FSIP2: variants seen among roughly 807,000 people sequenced by gnomAD.
The protein encoded by FSIP2 is fibrous sheath-interacting protein 2.
In FSIP2, 367 loss-of-function variants were observed where a neutral mutation model predicts 510.5. The observed-to-expected ratio is 0.72, with a 90% CI of 0.66 to 0.78. The LOEUF (loss-of-function observed/expected upper bound fraction) is 0.78. Ranked by LOEUF, FSIP2 falls within the 30% of genes least tolerant of loss-of-function variation. The pLI is 0.00. For synonymous variants in FSIP2, 2,601 were observed against 2,732.2 expected, an observed-to-expected ratio of 0.95 and a Z score of 1.50; for missense variants, 7,594 against 7,901.7, an observed-to-expected ratio of 0.96 and a Z score of 1.48.
chr2:185,779,940 T>C (rs1360527753), intron 13 of FSIP2, among the ~76,000 whole-genome samples: 1 of 151,146 alleles, frequency 6.6e-6, no homozygotes, highest in Non-Finnish European at 1.5e-5. Flanking sequence ...TTTTTTTTTT[T>C]CTTAGCACTT....
At chr2:185,751,795 GTGT>G (rs1692154056) in intron 7 of FSIP2, among the ~76,000 whole-genome samples, 1 of 151,106 alleles carries the variant, frequency 6.6e-6, no homozygotes, top group Non-Finnish European at 1.5e-5. Context: ...AGCTCTTAAA[GTGT>G]TATTATACTG....
At chr2:185,765,626 G>A (rs1017917817) in intron 13 of FSIP2, 5 of 152,020 alleles carry the variant, frequency 3.3e-5, no homozygotes, top group Admixed American at 6.6e-5. Context: ...TGGTGATGCG[G>A]GCTCTTTTTT....
intron 19 of FSIP2, among the ~76,000 whole-genome samples, chr2:185,820,482 TATAC>T (rs1693894701): frequency 6.6e-6 from 1 of 151,482 alleles, no homozygotes; most frequent in Admixed American, 6.6e-5. Context: ...CTATAATTTA[TATAC>T]ATATATTGTT....
At chr2:185,830,164 T>C (rs182140852) in intron 21 of FSIP2, among the ~76,000 whole-genome samples, 32 of 151,884 alleles carry the variant, frequency 2.1e-4, no homozygotes, top group African/African-American at 7.5e-4. Context: ...CAATGTTCTC[T>C]ACAGGATTTT....
Position 185,750,603 on chromosome 2 carries a change from GT to G in FSIP2, c.871-3107del, listed in dbSNP as rs71014622. On this transcript the variant is annotated intron_variant, in intron 7 of 22. Coordinates refer to ENST00000424728, the MANE Select transcript of FSIP2 (RefSeq NM_173651.4). ...GTTTTTAGTTTTAATGCATTTCTCT[GT>G]TTTTTTTTTTTCTATTTTGTTGATT... 3.6e-3 allele frequency among the ~76,000 whole-genome samples: 488 copies of G among 136,450 alleles called. 2 individuals are homozygous for G. The highest frequency in any genetic ancestry group is 9.5e-3 in the Admixed American group (130 of 13,624). 89.5% of individuals were successfully genotyped at this position (136,450 alleles called of 152,430 possible). A position where few individuals can be genotyped will look rare whatever the true frequency, so the allele number is the denominator to read the frequency against.
At chr2:185,765,575 T>C (rs1003658380) in intron 13 of FSIP2, 13 of 152,026 alleles carry the variant, frequency 8.6e-5, no homozygotes, top group African/African-American at 3.1e-4. Context: ...AGTCAGGTAG[T>C]GTGATGCCTC....
chr2:185,815,953 T>A (rs938767967), intron 19 of FSIP2, among the ~76,000 whole-genome samples: 7 of 151,942 alleles, frequency 4.6e-5, no homozygotes, highest in Admixed American at 2.0e-4. Flanking sequence ...TAAGAATGGA[T>A]AGGATACACA....
At chr2:185,816,748 C>G (rs1374787454) in intron 19 of FSIP2, among the ~76,000 whole-genome samples, 2 of 151,720 alleles carry the variant, frequency 1.3e-5, no homozygotes, top group Non-Finnish European at 1.5e-5. Context: ...CCTAGCTACT[C>G]AGGAGGCTGA....
chr2:185,745,455 CATACCGGAAAACAATCAA>C lies in FSIP2; in HGVS notation c.507_524del (p.Glu171_Pro176del), dbSNP rs1692009164. On this transcript the variant is annotated inframe_deletion, in exon 5 of 23. Coordinates refer to ENST00000424728, the MANE Select transcript of FSIP2 (RefSeq NM_173651.4). The stretch of plus-strand genomic sequence containing the variant: ...GAATACTTGCAAAACAACTACATAA[CATACCGGAAAACAATCAA>C]ATCCCTCAACATTGTGATGTTGCAC... 6.5e-7 allele frequency: 1 copy of C among 1,533,414 alleles called. No homozygotes were observed. Among genetic ancestry groups the C allele is most frequent in the Admixed American group, 2.0e-5 (1 of 50,896 alleles). 95.0% of individuals were successfully genotyped at this position (1,533,414 alleles called of 1,614,324 possible). A position where few individuals can be genotyped will look rare whatever the true frequency, so the allele number is the denominator to read the frequency against.
chr2:185,741,994 G>A (rs1033967830), intron 2 of FSIP2, among the ~76,000 whole-genome samples: 8 of 152,268 alleles, frequency 5.3e-5, no homozygotes, highest in African/African-American at 1.7e-4. Context: ...CGGGATTGGT[G>A]CTTAGTGTTG....
chr2:185,828,199 G>C lies in FSIP2; in HGVS notation c.20517G>C (p.Lys6839Asn), dbSNP rs1694048406. The change falls in exon 21 of 23, where the codon AAG (lysine) becomes AAC (asparagine). Residue 6839 changes from lysine to asparagine, a missense_variant and splice_region_variant. Lys to Asn is a moderately conservative substitution (Grantham distance 94). Transcript: ENST00000424728. ...AGCCAGAGCATGGAAACAGTGTTAA[G>C]GTAAGTATTTTTAACTAGCCTTAGT... ...EQKPEHGNSVKFITIFERSKD... is the reference protein window; with the variant it reads ...EQKPEHGNSVNFITIFERSKD... 2 of 1,559,172 alleles carry C rather than the reference G, an allele frequency of 1.3e-6. No homozygotes were observed. Among genetic ancestry groups the C allele is most frequent in the South Asian group, 2.2e-5 (2 of 89,170 alleles).
Position 185,808,495 on chromosome 2 carries a change from A to G in FSIP2, c.19189A>G (p.Ser6397Gly), listed in dbSNP as rs762955201. The G allele has an allele frequency of 1.7e-5, 27 of 1,608,976 alleles. No homozygotes were observed. The highest frequency in any genetic ancestry group is 2.3e-5 in the Non-Finnish European group (27 of 1,178,248). ...KLVTAEISRS[S>G]ISLIASDPEE... ...GGTAACAGCTGAAATTTCCAGAAGT[A>G]GCATTAGTCTAATAGCTTCTGATCC... Residue 6397 changes from serine (S) to glycine (G), a missense_variant, in exon 17 of 23, where the codon AGC becomes GGC. By Grantham distance (56) the Ser-to-Gly change is moderately conservative. Coordinates refer to ENST00000424728, the MANE Select transcript of FSIP2 (RefSeq NM_173651.4).
chr2:185,820,079 C>T (rs1372272089), intron 19 of FSIP2, among the ~76,000 whole-genome samples: 1 of 151,906 alleles, frequency 6.6e-6, no homozygotes, highest in Non-Finnish European at 1.5e-5. Flanking sequence ...GCTATGTCCC[C>T]ACCCAAATCT....
Position 185,808,144 on chromosome 2 carries a change from G to A in FSIP2, c.18838G>A (p.Val6280Ile). Residue 6280 changes from valine (V) to isoleucine (I), a missense_variant, in exon 17 of 23, where the codon GTC becomes ATC. Physicochemically the swap from Val to Ile is conservative, Grantham distance 29. Transcript: ENST00000424728. Reference sequence around the variant, plus strand: ...TAAAGATTTAATGGGTAAAAGCAATGTCCTCTCTGATACAATAGGCTTTTT... The same window carrying A: ...TAAAGATTTAATGGGTAAAAGCAATATCCTCTCTGATACAATAGGCTTTTT... ...VFKDLMGKSN[V>I]LSDTIGFLMV... 1 of 1,609,944 alleles carries A rather than the reference G, an allele frequency of 6.2e-7. No individual in the cohort carries two copies.
chr2:185,815,523 A>T (rs1693810141), intron 19 of FSIP2, 52 bp downstream of exon 19: 1 of 854,334 alleles, frequency 1.2e-6, no homozygotes, highest in African/African-American at 1.8e-5. Context: ...AGTAGAGCTT[A>T]TGAGTAGAAT....
chr2:185,738,546 A>AG, upstream of FSIP2: 2 of 1,459,720 alleles, frequency 1.4e-6, no homozygotes, highest in Non-Finnish European at 9.2e-7. Flanking sequence ...CTTGGAAGCC[A>AG]GGGGAAATTA....
In FSIP2 at chr2:185,786,253, C is replaced by T; in HGVS notation, c.1471C>T (p.Gln491Ter). ...IFSSPVYTNM[Q>*]QNLLQNCLQE... The stretch of plus-strand genomic sequence containing the variant: ...TAAATGATCAACCTTTCTTTACAGG[C>T]AACAGAACTTGCTGCAAAATTGCTT... Residue 491 changes from glutamine (Q) to a stop codon, truncating the protein, a stop_gained and splice_region_variant, in exon 15 of 23, where the codon CAA (glutamine) becomes TAA (stop). Coordinates refer to ENST00000424728, the MANE Select transcript of FSIP2 (RefSeq NM_173651.4). LOFTEE classifies it high-confidence loss of function. 1.3e-6 allele frequency: 2 copies of T among 1,519,976 alleles called. No homozygotes were observed. Among genetic ancestry groups the T allele is most frequent in the Non-Finnish European group, 1.8e-6 (2 of 1,135,702 alleles). The allele number at this position is 1,519,976 out of a possible 1,614,324, so 94.2% of individuals were successfully genotyped here.
chr2:185,797,069 T>G lies in FSIP2; in HGVS notation c.9933T>G (p.Val3311=), dbSNP rs1341059176. The change falls in exon 16 of 23, where the codon GTT becomes GTG. Residue 3311 remains valine, a synonymous_variant. Transcript: ENST00000424728. ...RVFHYENLKP[V]VEPNQIQTTI... ...TTCATTATGAGAACCTAAAACCAGTTGTTGAACCAAACCAAATTCAGACAA... is the reference window on the plus strand; with the variant it reads ...TTCATTATGAGAACCTAAAACCAGTGGTTGAACCAAACCAAATTCAGACAA... 2.0e-6 allele frequency: 3 copies of G among 1,535,284 alleles called. No homozygotes were observed. Among genetic ancestry groups the G allele is most frequent in the Non-Finnish European group, 2.6e-6 (3 of 1,146,360 alleles).
Position 185,805,766 on chromosome 2 carries a change from T to A in FSIP2, c.16460T>A (p.Ile5487Asn). Residue 5487 changes from isoleucine to asparagine, a missense_variant, in exon 17 of 23, where the codon ATC becomes AAC. Coordinates refer to ENST00000424728, the MANE Select transcript of FSIP2 (RefSeq NM_173651.4). ...TKDTSVKKGD[I>N]QNPVLSSINA... ...GACACATCAGTGAAAAAAGGTGACATCCAAAATCCAGTACTTAGCTCTATA... is the reference window on the plus strand; with the variant it reads ...GACACATCAGTGAAAAAAGGTGACAACCAAAATCCAGTACTTAGCTCTATA... 1 of 1,600,830 alleles carries A rather than the reference T, an allele frequency of 6.2e-7. No homozygotes were observed. The highest frequency in any genetic ancestry group is 1.1e-5 in the South Asian group (1 of 88,484).
Sources: allele counts gnomAD v4.1 joint callset (sites outside exome capture counted in the v4.1 genomes callset), GRCh38; gene constraint gnomAD v4.1.1; transcripts MANE v1.5; gene names NCBI Gene and HGNC (gene_info 2026-07-23, HGNC 2026-07-21).